FMN2: variants seen among roughly 807,000 people sequenced by gnomAD.
The protein encoded by FMN2 is formin 2.
A neutral mutation model predicts 142.3 loss-of-function variants in FMN2; 51 were observed. The observed-to-expected ratio is 0.36, with a 90% CI of 0.29 to 0.45. The LOEUF is 0.45. FMN2 is among the 20% of genes least tolerant of loss of function. The pLI is 1.00. For synonymous variants in FMN2, 882 were observed against 869.8 expected, an observed-to-expected ratio of 1.01 and a Z score of -0.25; for missense variants, 1,936 against 2,122.8, an observed-to-expected ratio of 0.91 and a Z score of 1.73.
intron 8 of FMN2, among the ~76,000 whole-genome samples, chr1:240,301,100 C>T (rs1340785013): frequency 5.3e-5 from 8 of 151,336 alleles, no homozygotes; most frequent in Admixed American, 2.6e-4. Flanking sequence ...TTTTTTGTCC[C>T]TCTAATTCTT....
chr1:240,312,189 C>T (rs1275677824), intron 8 of FMN2, among the ~76,000 whole-genome samples: 1 of 152,044 alleles, frequency 6.6e-6, no homozygotes, highest in East Asian at 1.9e-4. Flanking sequence ...ATCTTGTAGC[C>T]CTCTGCTCTC....
chr1:240,472,666 G>C (rs1240579070), intron 17 of FMN2, among the ~76,000 whole-genome samples: 1 of 152,050 alleles, frequency 6.6e-6, no homozygotes, highest in African/African-American at 2.4e-5. Context: ...TAAGAATTGG[G>C]CTGGGGGTGG....
intron 13 of FMN2, among the ~76,000 whole-genome samples, chr1:240,343,673 A>C (rs1048735887): frequency 6.6e-6 from 1 of 152,246 alleles, no homozygotes; most frequent in Admixed American, 6.5e-5. Context: ...GAACAAATTT[A>C]TGCAAGAAAA....
At chr1:240,201,711 T>A (rs1484065599) in intron 4 of FMN2, among the ~76,000 whole-genome samples, 2 of 152,210 alleles carry the variant, frequency 1.3e-5, no homozygotes, top group Non-Finnish European at 2.9e-5. Context: ...ACTTAATTTT[T>A]AATTTCTTTT....
rs530083346 is a variant in FMN2, at chr1:240,170,920, C to G, written c.1783-7001C>G. On this transcript the variant is annotated intron_variant, in intron 2 of 17. Transcript: ENST00000319653. ...CCGTCAGGATTTTAGTCAACCCATC[C>G]AGGAAGTGCTCATTGAGCGGACTGA... The G allele has an allele frequency of 6.9e-5, 55 of 792,504 alleles. No individual in the cohort carries two copies. In the East Asian group the frequency reaches 1.3e-3, roughly 19 times the overall value. The allele number at this position is 792,504 out of a possible 1,614,324, so 49.1% of individuals were successfully genotyped here.
At chr1:240,427,438 C>G (rs1674996143) in intron 15 of FMN2, among the ~76,000 whole-genome samples, 1 of 152,026 alleles carries the variant, frequency 6.6e-6, no homozygotes, top group South Asian at 2.1e-4. Context: ...ATCTCCTGAC[C>G]TTGTGATCTG....
intron 7 of FMN2, among the ~76,000 whole-genome samples, chr1:240,263,166 G>A (rs1013976126): frequency 6.6e-6 from 1 of 152,088 alleles, no homozygotes; most frequent in Admixed American, 6.5e-5. Context: ...TATTACACTG[G>A]TATTTCCTGG....
At chr1:240,103,946 G>A (rs140701180) in intron 1 of FMN2, among the ~76,000 whole-genome samples, 1 of 151,412 alleles carries the variant, frequency 6.6e-6, no homozygotes, top group Non-Finnish European at 1.5e-5. Context: ...GTGCGATCTC[G>A]GCTCACTGCA....
chr1:240,433,494 A>G (rs1357435947), intron 15 of FMN2, among the ~76,000 whole-genome samples: 2 of 152,140 alleles, frequency 1.3e-5, no homozygotes, highest in East Asian at 1.9e-4. Flanking sequence ...TTCCTGCACA[A>G]TTTGAATTCC....
At chr1:240,148,201 CAGAG>C (rs753745242) in intron 2 of FMN2, among the ~76,000 whole-genome samples, 54 of 149,776 alleles carry the variant, frequency 3.6e-4, no homozygotes, top group East Asian at 5.9e-4. Context: ...GGGACAGAGA[CAGAG>C]AGAGAGAGAC....
At chr1:240,095,474 C>T (rs987904749) in intron 1 of FMN2, among the ~76,000 whole-genome samples, 3 of 151,986 alleles carry the variant, frequency 2.0e-5, no homozygotes, top group African/African-American at 2.4e-5. Flanking sequence ...AGGCAGTATT[C>T]TAGATGTAGG....
At chr1:240,437,739 T>C (rs1432528959) in intron 15 of FMN2, among the ~76,000 whole-genome samples, 2 of 152,198 alleles carry the variant, frequency 1.3e-5, no homozygotes, top group African/African-American at 4.8e-5. Context: ...AAAGAAAGTA[T>C]AGGCCCGCCA....
chr1:240,203,827 TAAAA>T (rs781362244), intron 4 of FMN2, among the ~76,000 whole-genome samples: 46 of 151,990 alleles, frequency 3.0e-4, no homozygotes, highest in African/African-American at 1.1e-3. Flanking sequence ...AATTAAATAA[TAAAA>T]AAAGGTTATT....
rs780364990 is a variant in FMN2, at chr1:240,348,223, C to CT, written c.4766-7578dup. ...TTGCCAGTATATGTTGTTTTTTTTACTTTTTTTTTTTTTTTGGAGATAGAG... is the reference window on the plus strand; with the variant it reads ...TTGCCAGTATATGTTGTTTTTTTTACTTTTTTTTTTTTTTTTGGAGATAGAG... On this transcript the variant is annotated intron_variant, in intron 13 of 17. Transcript: ENST00000319653. Among the ~76,000 whole-genome samples, 454 of 139,226 alleles carry CT rather than the reference C, an allele frequency of 3.3e-3. 2 individuals carry two copies. Among genetic ancestry groups the CT allele is most frequent in the African/African-American group, 5.6e-3 (211 of 37,718 alleles). 91.3% of individuals were successfully genotyped at this position (139,226 alleles called of 152,430 possible). A position where few individuals can be genotyped will look rare whatever the true frequency, so the allele number is the denominator to read the frequency against.
At chr1:240,416,630 CTTGTTGATATTTATG>C (rs1163694121) in intron 15 of FMN2, among the ~76,000 whole-genome samples, 1 of 151,982 alleles carries the variant, frequency 6.6e-6, no homozygotes, top group Non-Finnish European at 1.5e-5. Context: ...ACTTATGTCC[CTTGTTGATATTTATG>C]TTATTTAATC....
intron 7 of FMN2, among the ~76,000 whole-genome samples, chr1:240,268,429 T>C (rs1668887335): frequency 6.6e-6 from 1 of 152,088 alleles, no homozygotes; most frequent in Non-Finnish European, 1.5e-5. Context: ...CAACTTGTTT[T>C]GGAAACTTGA....
intron 15 of FMN2, among the ~76,000 whole-genome samples, chr1:240,408,814 C>G (rs1158870085): frequency 6.6e-6 from 1 of 152,040 alleles, no homozygotes. Context: ...TCTCCTGAAG[C>G]CTCTCAGATT....
rs778498755 is a variant in FMN2 at position 240,207,086 on chromosome 1, T to C, written c.2274T>C (p.Pro758=). 31 of 1,613,974 alleles carry C rather than the reference T, an allele frequency of 1.9e-5. No homozygotes were observed. The highest frequency in any genetic ancestry group is 3.3e-5 in the Admixed American group (2 of 59,996). Residue 758 remains proline (P), a synonymous_variant, in exon 5 of 18, where the codon CCT becomes CCC. Transcript: ENST00000319653. ...AAGAGGGCGGGGTGCTGACACTGCC[T>C]CCTGTGGATGGGCTGCCAGGGCGTC... ...PTEEGGVLTL[P]PVDGLPGRPP... is the part of the protein sequence containing the mutation.
intron 8 of FMN2, among the ~76,000 whole-genome samples, chr1:240,298,572 G>C (rs28561507): frequency 0.01 from 1,552 of 152,276 alleles, 25 homozygotes; most frequent in African/African-American, 0.035. Context: ...AAGCATTACT[G>C]CCTGAGCTCC....
Sources: gnomAD v4.1 joint callset for allele counts (sites outside exome capture counted in the v4.1 genomes callset) on GRCh38, gnomAD v4.1.1 for gene constraint, MANE v1.5 for transcripts, NCBI Gene and HGNC (gene_info 2026-07-23, HGNC 2026-07-21) for gene names.